The following CSMD1 variants were observed in gnomAD, a reference collection of about 807,000 sequenced individuals.
CSMD1 encodes CUB and Sushi multiple domains 1.
In CSMD1, 213 loss-of-function variants were observed where a neutral mutation model predicts 417.5. The ratio of observed to expected loss-of-function variants is 0.51; its 90% CI spans 0.46 to 0.57. The LOEUF (loss-of-function observed/expected upper bound fraction) is 0.57. CSMD1 is among the 20% of genes least tolerant of loss of function. CSMD1 has a pLI of 0.00. For missense variants in CSMD1, 6,923 were observed against 4,529.7 expected (o/e 1.53, Z -15.17); for synonymous variants, 2,862 against 1,736.8 (o/e 1.65, Z -16.11).
chr8:4,731,835 G>A (rs1163824398), intron 1 of CSMD1, among the ~76,000 whole-genome samples: 1 of 152,112 alleles, frequency 6.6e-6, no homozygotes. Flanking sequence ...TTCTTATTGT[G>A]TATATTGTCT....
At chr8:3,392,176 C>T (rs1437732095) in intron 17 of CSMD1, among the ~76,000 whole-genome samples, 10 of 151,686 alleles carry the variant, frequency 6.6e-5, no homozygotes, top group Admixed American at 6.6e-5. Flanking sequence ...TTAATGGGTG[C>T]ACCACATCAA....
At chr8:3,219,592 C>T (rs1000162811) in intron 28 of CSMD1, 150 bp from the exon 29 acceptor site, 3 of 542,248 alleles carry the variant, frequency 5.5e-6, no homozygotes, top group Non-Finnish European at 9.5e-6. Context: ...TAGTATGAAT[C>T]AAAATATTAA....
At position 3,514,393 on chromosome 8, in the gene CSMD1, A is replaced by G. The variant is rs1438502666; in HGVS notation, c.1345-20667T>C. On this transcript the variant is annotated intron_variant, in intron 10 of 69. Coordinates refer to ENST00000635120, the MANE Select transcript of CSMD1 (RefSeq NM_033225.6). ...TGCACACCTAGCAATACAACATGCA[A>G]TCTCTTGGAATGATTACATAATGTC... 4.6e-5 allele frequency among the ~76,000 whole-genome samples: 7 copies of G among 152,176 alleles called. No individual in the cohort carries two copies. In the South Asian group the frequency reaches 1.4e-3, roughly 31 times the overall value.
At chr8:4,923,680 G>A (rs933525240) in intron 1 of CSMD1, among the ~76,000 whole-genome samples, 2 of 152,082 alleles carry the variant, frequency 1.3e-5, no homozygotes, top group South Asian at 2.1e-4. Context: ...CCTATCCACG[G>A]AGAGCACTCA....
intron 2 of CSMD1, among the ~76,000 whole-genome samples, chr8:4,461,738 C>CTCAT (rs1799836122): frequency 1.2e-5 from 1 of 83,856 alleles, no homozygotes; most frequent in Admixed American, 1.9e-4. Flanking sequence ...TATTTATTTA[C>CTCAT]TTATTTTTTT....
intron 54 of CSMD1, among the ~76,000 whole-genome samples, chr8:2,984,772 G>A (rs779340462): frequency 1.3e-5 from 2 of 152,194 alleles, no homozygotes; most frequent in Non-Finnish European, 2.9e-5. Flanking sequence ...CCAGCATCCC[G>A]TGCAAAGCAC....
chr8:4,786,716 G>C (rs564083166), intron 1 of CSMD1, among the ~76,000 whole-genome samples: 3 of 152,230 alleles, frequency 2.0e-5, no homozygotes, highest in South Asian at 2.1e-4. Flanking sequence ...AGAACAATTT[G>C]TGAAAGTAGT....
At chr8:2,978,588 A>G (rs1805133274) in intron 55 of CSMD1, 24 bp downstream of exon 55, 2 of 1,556,278 alleles carry the variant, frequency 1.3e-6, no homozygotes, top group Non-Finnish European at 1.7e-6. Flanking sequence ...CTCTGCACAG[A>G]AATTGGGAAT....
chr8:4,678,022 C>A (rs980561473), intron 1 of CSMD1, among the ~76,000 whole-genome samples: 5 of 152,102 alleles, frequency 3.3e-5, no homozygotes, highest in Admixed American at 2.6e-4. Flanking sequence ...AAATATAAAA[C>A]CAAATGGGAA....
chr8:3,631,295 G>A (rs1018585178), intron 7 of CSMD1, among the ~76,000 whole-genome samples: 1 of 152,194 alleles, frequency 6.6e-6, no homozygotes, highest in Non-Finnish European at 1.5e-5. Flanking sequence ...GCCCATGGTA[G>A]CAGCGGATTT....
At chr8:4,718,991 T>C (rs1379478092) in intron 1 of CSMD1, among the ~76,000 whole-genome samples, 1 of 152,042 alleles carries the variant, frequency 6.6e-6, no homozygotes, top group Non-Finnish European at 1.5e-5. Context: ...ACTTTGAAGA[T>C]ATGTAGGTAT....
intron 5 of CSMD1, among the ~76,000 whole-genome samples, chr8:3,754,751 G>A (rs558318312): frequency 1.1e-4 from 16 of 152,214 alleles, no homozygotes; most frequent in South Asian, 4.1e-4. Flanking sequence ...CACGGCGCCC[G>A]GCCACAAGAC....
intron 7 of CSMD1, among the ~76,000 whole-genome samples, chr8:3,622,317 A>G (rs1165638090): frequency 2.6e-5 from 4 of 152,222 alleles, no homozygotes; most frequent in Admixed American, 6.5e-5. Flanking sequence ...ATCAAGATGA[A>G]CGACTATCAT....
chr8:4,270,369 C>G (rs1455496115), intron 3 of CSMD1, among the ~76,000 whole-genome samples: 2 of 152,156 alleles, frequency 1.3e-5, no homozygotes, highest in Non-Finnish European at 2.9e-5. Flanking sequence ...ATCTCCTGTT[C>G]TCCTTCGTCT....
intron 3 of CSMD1, among the ~76,000 whole-genome samples, chr8:4,244,275 C>A (rs540991198): frequency 6.6e-6 from 1 of 152,098 alleles, no homozygotes; most frequent in African/African-American, 2.4e-5. Flanking sequence ...GAGAGCAGGC[C>A]CCCGGGTCTT....
At chr8:3,395,289 T>C (rs1212204084) in intron 17 of CSMD1, among the ~76,000 whole-genome samples, 1 of 152,192 alleles carries the variant, frequency 6.6e-6, no homozygotes, top group Non-Finnish European at 1.5e-5. Flanking sequence ...TTCCTTCAGG[T>C]CCAATAGTAA....
intron 7 of CSMD1, among the ~76,000 whole-genome samples, chr8:3,644,436 G>A (rs10111883): frequency 0.025 from 3,738 of 152,272 alleles, 155 homozygotes; most frequent in African/African-American, 0.083. Flanking sequence ...CTTAAAATAG[G>A]CACGGTAGAA....
chr8:4,054,248 G>A (rs1028922832), intron 3 of CSMD1, among the ~76,000 whole-genome samples: 5 of 151,192 alleles, frequency 3.3e-5, no homozygotes, highest in African/African-American at 9.7e-5. Flanking sequence ...GACAAATGAC[G>A]ACTTTGAGAG....
At chr8:3,196,723 A>T (rs17079600) in intron 33 of CSMD1, among the ~76,000 whole-genome samples, 2,103 of 152,226 alleles carry the variant, frequency 0.014, 50 homozygotes, top group African/African-American at 0.048. Flanking sequence ...GTGCTCCATA[A>T]TCACTGAAAC....
Sources: gnomAD v4.1 joint callset for allele counts (sites outside exome capture counted in the v4.1 genomes callset) on GRCh38, gnomAD v4.1.1 for gene constraint, MANE v1.5 for transcripts, NCBI Gene and HGNC (gene_info 2026-07-23, HGNC 2026-07-21) for gene names.